The following SLCO2B1 variants were observed in gnomAD, a reference collection of about 807,000 sequenced individuals.
SLCO2B1 encodes the protein OATP-RP2.
In SLCO2B1, 41 loss-of-function variants were observed where a neutral mutation model predicts 67.3. The observed-to-expected ratio is 0.61, with a 90% CI of 0.47 to 0.79. The LOEUF is 0.79. Ranked by LOEUF, SLCO2B1 falls within the 30% of genes least tolerant of loss-of-function variation. The probability of loss-of-function intolerance (pLI) is 0.00; values close to 1 mark genes in which losing one functional copy is unlikely to be tolerated. For synonymous variants in SLCO2B1, 379 were observed against 381.4 expected (o/e 0.99, Z 0.07); for missense variants, 837 against 920.1 (o/e 0.91, Z 1.17).
intron 4 of SLCO2B1, among the ~76,000 whole-genome samples, chr11:75,167,128 G>A (rs926040704): frequency 7.9e-5 from 12 of 152,186 alleles, no homozygotes; most frequent in Non-Finnish European, 1.3e-4. Flanking sequence ...AGCTGGAGGG[G>A]CTAGAGGAGG....
At chr11:75,180,234 C>T (rs1231087935) in intron 7 of SLCO2B1, among the ~76,000 whole-genome samples, 1 of 152,196 alleles carries the variant, frequency 6.6e-6, no homozygotes, top group Non-Finnish European at 1.5e-5. Context: ...CCAGGCTGGC[C>T]TCGAACTCCT....
chr11:75,172,023 G>A (rs1949966199), intron 6 of SLCO2B1, among the ~76,000 whole-genome samples: 1 of 152,142 alleles, frequency 6.6e-6, no homozygotes, highest in Admixed American at 6.5e-5. Context: ...CCTATGATTT[G>A]GAAGCTACTA....
At chr11:75,151,480 C>A in intron 1 of SLCO2B1, 83 bp downstream of exon 1, 1 of 1,471,924 alleles carries the variant, frequency 6.8e-7, no homozygotes, top group Non-Finnish European at 9.4e-7. Flanking sequence ...GGCCGTAGAG[C>A]CAGAGTGGGT....
At chr11:75,203,161 C>A (rs1441768111) in intron 12 of SLCO2B1, 146 bp from the exon 13 acceptor site, 5 of 1,291,454 alleles carry the variant, frequency 3.9e-6, no homozygotes, top group African/African-American at 1.5e-5. Context: ...CAGGAAGCCA[C>A]CTCGGATGCA....
At chr11:75,152,611 A>T (rs1949705442) in intron 1 of SLCO2B1, 1 of 152,260 alleles carries the variant, frequency 6.6e-6, no homozygotes, top group Admixed American at 6.5e-5. Flanking sequence ...GATGGGAGGG[A>T]TGGAGAGCGG....
intron 3 of SLCO2B1, among the ~76,000 whole-genome samples, chr11:75,164,502 C>G (rs2851110): frequency 0.75 from 114,359 of 151,942 alleles, 43,258 homozygotes; most frequent in South Asian, 0.84. Flanking sequence ...GGGATGGTCG[C>G]GGGAGGGATA....
At chr11:75,175,477 C>T (rs1018773005) in intron 7 of SLCO2B1, among the ~76,000 whole-genome samples, 18 of 152,250 alleles carry the variant, frequency 1.2e-4, no homozygotes, top group African/African-American at 4.1e-4. Context: ...TCTCACCAGG[C>T]GTCCCCTCCC....
chr11:75,161,938 G>T (rs1398690167), intron 1 of SLCO2B1, among the ~76,000 whole-genome samples: 3 of 152,140 alleles, frequency 2.0e-5, no homozygotes, highest in Non-Finnish European at 4.4e-5. Flanking sequence ...GCATAAGGGA[G>T]GCCAAGGGTC....
chr11:75,172,255 G>A, intron 6 of SLCO2B1, 124 bp from the exon 7 acceptor site: 1 of 812,062 alleles, frequency 1.2e-6, no homozygotes, highest in Non-Finnish European at 1.9e-6. Flanking sequence ...GAGCAGACTG[G>A]AACTCAGGTC....
Position 75,204,626 on chromosome 11 carries a change from A to T in SLCO2B1, c.*46A>T. On this transcript the variant is annotated 3_prime_UTR_variant, in exon 14 of 14. Coordinates refer to ENST00000289575, the MANE Select transcript of SLCO2B1 (RefSeq NM_007256.5). ...GGCCAAGAGTAGCAGCCACAGCAGTACCTCCTCTGAGTCCTTTGCCCAAGA... is the reference window on the plus strand; with the variant it reads ...GGCCAAGAGTAGCAGCCACAGCAGTTCCTCCTCTGAGTCCTTTGCCCAAGA... 1 of 1,533,240 alleles carries T rather than the reference A, an allele frequency of 6.5e-7. No homozygotes were observed. Among genetic ancestry groups the T allele is most frequent in the East Asian group, 2.3e-5 (1 of 43,692 alleles). The allele number at this position is 1,533,240 out of a possible 1,614,324, so 95.0% of individuals were successfully genotyped here.
At chr11:75,192,569 G>C (rs1407484476) in intron 8 of SLCO2B1, among the ~76,000 whole-genome samples, 1 of 152,032 alleles carries the variant, frequency 6.6e-6, no homozygotes, top group Non-Finnish European at 1.5e-5. Context: ...GCGGGGGAGA[G>C]GAATGAATAC....
intron 1 of SLCO2B1, among the ~76,000 whole-genome samples, chr11:75,162,235 C>T (rs1174687514): frequency 6.6e-6 from 1 of 152,256 alleles, no homozygotes; most frequent in Admixed American, 6.5e-5. Context: ...CCAGACAGTC[C>T]CAGGCCCAGA....
At chr11:75,162,445 G>A (rs1418601171) in intron 1 of SLCO2B1, among the ~76,000 whole-genome samples, 1 of 152,184 alleles carries the variant, frequency 6.6e-6, no homozygotes, top group Non-Finnish European at 1.5e-5. Context: ...TAGGGGCACA[G>A]GGATACACAC....
intron 1 of SLCO2B1, 37 bp downstream of exon 1, chr11:75,151,434 C>A (rs1412457360): frequency 1.9e-6 from 3 of 1,611,258 alleles, no homozygotes; most frequent in South Asian, 1.1e-5. Flanking sequence ...CCATGGAGAG[C>A]AAGCCTGGGG....
At chr11:75,171,709 G>A (rs1340711553) in intron 6 of SLCO2B1, among the ~76,000 whole-genome samples, 6 of 152,238 alleles carry the variant, frequency 3.9e-5, no homozygotes, top group Admixed American at 3.3e-4. Flanking sequence ...TAAACCTAGT[G>A]GGGGATCAAA....
chr11:75,204,502 G>T lies in SLCO2B1; in HGVS notation c.2052G>T (p.Glu684Asp). 3 of 1,613,638 alleles carry T rather than the reference G, an allele frequency of 1.9e-6. No individual in the cohort carries two copies. The South Asian group carries it at 3.3e-5, about 18-fold the overall frequency. ...AGGACAAAGAGGCAAGGACCAAAGAGAGCAGATCCAGCCCTGCCGTAGAGC... is the reference window on the plus strand; with the variant it reads ...AGGACAAAGAGGCAAGGACCAAAGATAGCAGATCCAGCCCTGCCGTAGAGC... ...RQQDKEARTK[E>D]SRSSPAVEQQ... is the part of the protein sequence containing the mutation. Residue 684 changes from glutamate to aspartate, a missense_variant, in exon 14 of 14, where the codon GAG becomes GAT. Coordinates refer to ENST00000289575, the MANE Select transcript of SLCO2B1 (RefSeq NM_007256.5).
At chr11:75,199,223 A>G (rs959144882) in intron 10 of SLCO2B1, among the ~76,000 whole-genome samples, 3 of 152,166 alleles carry the variant, frequency 2.0e-5, no homozygotes. Context: ...CCCTTGTGTG[A>G]AGGATCAGCA....
At chr11:75,203,189 A>G in intron 12 of SLCO2B1, 118 bp from the exon 13 acceptor site, 4 of 1,435,326 alleles carry the variant, frequency 2.8e-6, no homozygotes, top group Non-Finnish European at 3.8e-6. Flanking sequence ...GGCGGGCTTG[A>G]GGGCCAGACA....
intron 5 of SLCO2B1, 76 bp from the exon 6 acceptor site, chr11:75,169,590 A>G: frequency 3.0e-6 from 4 of 1,347,494 alleles, no homozygotes; most frequent in Non-Finnish European, 4.1e-6. Flanking sequence ...GTTCTTGCCC[A>G]TCAGAGACTG....
Sources: allele counts gnomAD v4.1 joint callset (sites outside exome capture counted in the v4.1 genomes callset), GRCh38; gene constraint gnomAD v4.1.1; transcripts MANE v1.5; gene names NCBI Gene and HGNC (gene_info 2026-07-23, HGNC 2026-07-21).